Variants in RTP4 observed in about 807,000 individuals in gnomAD.
RTP4 encodes the protein receptor transporter protein 4.
In RTP4, 5 loss-of-function variants were observed where a neutral mutation model predicts 6.5. That is an observed-to-expected ratio of 0.77 (90% CI 0.40 to 1.62). RTP4 has a LOEUF of 1.62. Among genes scored for constraint, RTP4 ranks in the 40% most tolerant of loss-of-function variants. RTP4 has a pLI of 0.02. For synonymous variants in RTP4, 112 were observed against 114.8 expected, an observed-to-expected ratio of 0.98 and a Z score of 0.15; for missense variants, 266 against 288.7, an observed-to-expected ratio of 0.92 and a Z score of 0.57.
Position 187,371,091 on chromosome 3 carries a change from T to C in RTP4, c.459T>C (p.Asn153=), listed in dbSNP as rs374250213. ...VSLEGSHDTA[N]CEACTLGICG... ...TGGAAGGATCCCATGACACAGCCAA[T>C]TGTGAGGCATGCACTTTGGGCATCT... is the stretch of plus-strand genomic sequence containing the variant. Residue 153 remains asparagine (N), a synonymous_variant, in exon 2 of 2, where the codon AAT becomes AAC. Coordinates refer to ENST00000259030, the MANE Select transcript of RTP4 (RefSeq NM_022147.3). 5.6e-6 allele frequency: 9 copies of C among 1,614,026 alleles called. No individual in the cohort carries two copies. Among genetic ancestry groups the C allele is most frequent in the Non-Finnish European group, 6.8e-6 (8 of 1,180,034 alleles).
At position 187,371,370 on chromosome 3, in the gene RTP4, A is replaced by C; in HGVS notation, c.738A>C (p.Glu246Asp). 1 of 1,579,706 alleles carries C rather than the reference A, an allele frequency of 6.3e-7. No homozygotes were observed. Among genetic ancestry groups the C allele is most frequent in the East Asian group, 2.2e-5 (1 of 44,578 alleles). ...VFIVVKCFTS[E>D] Reference sequence around the variant, plus strand: ...TTGTAGTCAAATGCTTTACATCAGAATGATGAAAATAGGCTTGCCACTTTC... The same window carrying C: ...TTGTAGTCAAATGCTTTACATCAGACTGATGAAAATAGGCTTGCCACTTTC... Residue 246 changes from glutamate (E) to aspartate (D), a missense_variant, in exon 2 of 2, where the codon GAA becomes GAC. Transcript: ENST00000259030.
chr3:187,371,212 T>C lies in RTP4; in HGVS notation c.580T>C (p.Tyr194His). 6.2e-7 allele frequency: 1 copy of C among 1,614,036 alleles called. No individual in the cohort carries two copies. The highest frequency in any genetic ancestry group is 8.5e-7 in the Non-Finnish European group (1 of 1,180,030). Reference protein sequence around the residue: ...GNSSPGIGAVYLANQAKNQSA... With the variant: ...GNSSPGIGAVHLANQAKNQSA... ...TTCCTCACCTGGAATTGGTGCTGTG[T>C]ACCTCGCAAACCAAGCCAAGAACCA... Residue 194 changes from tyrosine (Y) to histidine (H), a missense_variant, in exon 2 of 2, where the codon TAC (tyrosine) becomes CAC (histidine). Coordinates refer to ENST00000259030, the MANE Select transcript of RTP4 (RefSeq NM_022147.3).
Position 187,368,435 on chromosome 3 carries a change from G to A in RTP4, c.-7G>A. On this transcript the variant is annotated 5_prime_UTR_variant, in exon 1 of 2. Coordinates refer to ENST00000259030, the MANE Select transcript of RTP4 (RefSeq NM_022147.3). ...GAAAGCTACTCTCTCAGCTTCAGAGGGAAAAAATGGTTGTAGATTTCTGGA... is the reference window on the plus strand; with the variant it reads ...GAAAGCTACTCTCTCAGCTTCAGAGAGAAAAAATGGTTGTAGATTTCTGGA... The A allele has an allele frequency of 1.2e-6, 2 of 1,607,038 alleles. No homozygotes were observed. Among genetic ancestry groups the A allele is most frequent in the South Asian group, 1.1e-5 (1 of 90,016 alleles).
Position 187,368,503 on chromosome 3 carries a change from C to T in RTP4, c.62C>T (p.Pro21Leu). The change falls in exon 1 of 2, where the codon CCC becomes CTC. Residue 21 changes from proline to leucine, a missense_variant. Physicochemically the swap from Pro to Leu is moderately conservative, Grantham distance 98. Coordinates refer to ENST00000259030, the MANE Select transcript of RTP4 (RefSeq NM_022147.3). ...TFQELIQEAK[P>L]RATWTLKLDG... is the part of the protein sequence containing the mutation. ...CAAGAACTAATCCAAGAGGCAAAAC[C>T]CCGGGCCACATGGACGCTGAAGTTG... The T allele has an allele frequency of 6.2e-7, 1 of 1,614,054 alleles. No homozygotes were observed. The highest frequency in any genetic ancestry group is 8.5e-7 in the Non-Finnish European group (1 of 1,179,982).
rs750655321 is a variant in RTP4 at position 187,370,949 on chromosome 3, TCTC to T, written c.321_323del (p.Ser108del). On this transcript the variant is annotated inframe_deletion, in exon 2 of 2. Transcript: ENST00000259030. Reference sequence around the variant, plus strand: ...TGGTCCCAATATGAGATGCCTGAGTTCTCCTCGGATAGCACCATGAGGATTCTG... The same window carrying T: ...TGGTCCCAATATGAGATGCCTGAGTTCTCGGATAGCACCATGAGGATTCTG... 1.2e-6 allele frequency: 2 copies of T among 1,614,010 alleles called. No homozygotes were observed. Among genetic ancestry groups the T allele is most frequent in the African/African-American group, 2.7e-5 (2 of 74,902 alleles).
At chr3:187,368,649 CAGCTT>C in intron 1 of RTP4, 53 bp downstream of exon 1, 1 of 1,514,300 alleles carries the variant, frequency 6.6e-7, no homozygotes, top group South Asian at 1.3e-5. Context: ...GGCTCAGGCT[CAGCTT>C]AGCATGATTT....
Position 187,370,876 on chromosome 3 carries a change from G to A in RTP4, c.244G>A (p.Gly82Ser), listed in dbSNP as rs753621514. Residue 82 changes from glycine (G) to serine (S), a missense_variant, in exon 2 of 2, where the codon GGT becomes AGT. By Grantham distance (56) the Gly-to-Ser change is moderately conservative. Coordinates refer to ENST00000259030, the MANE Select transcript of RTP4 (RefSeq NM_022147.3). ...HTYWEHWTSQ[G>S]QVRMRLFGQR... is the part of the protein sequence containing the mutation. Reference sequence around the variant, plus strand: ...GTACTGGGAGCACTGGACATCCCAGGGTCAGGTGCGTATGAGGCTCTTTGG... The same window carrying A: ...GTACTGGGAGCACTGGACATCCCAGAGTCAGGTGCGTATGAGGCTCTTTGG... 1.9e-6 allele frequency: 3 copies of A among 1,614,082 alleles called. No individual in the cohort carries two copies. The highest frequency in any genetic ancestry group is 2.5e-6 in the Non-Finnish European group (3 of 1,180,016).
rs372326120 is a variant in RTP4, at chr3:187,371,271, G to A, written c.639G>A (p.Gly213=). ...SAEAKEAKGS[G]YEKLGPSRDP... ...AGGCAAAAGAGGCTAAGGGGAGTGGGTATGAGAAATTAGGGCCCAGTCGAG... is the reference window on the plus strand; with the variant it reads ...AGGCAAAAGAGGCTAAGGGGAGTGGATATGAGAAATTAGGGCCCAGTCGAG... Residue 213 remains glycine (G), a synonymous_variant, in exon 2 of 2, where the codon GGG becomes GGA. Coordinates refer to ENST00000259030, the MANE Select transcript of RTP4 (RefSeq NM_022147.3). 1.9e-6 allele frequency: 3 copies of A among 1,610,670 alleles called. No homozygotes were observed. Among genetic ancestry groups the A allele is most frequent in the Non-Finnish European group, 2.5e-6 (3 of 1,179,996 alleles).
Position 187,368,554 on chromosome 3 carries a change from T to C in RTP4, c.113T>C (p.Leu38Pro). The C allele has an allele frequency of 6.2e-7, 1 of 1,614,140 alleles. No homozygotes were observed. The highest frequency in any genetic ancestry group is 8.5e-7 in the Non-Finnish European group (1 of 1,180,008). Residue 38 changes from leucine to proline, a missense_variant, in exon 1 of 2, where the codon CTG becomes CCG. By Grantham distance (98) the Leu-to-Pro change is moderately conservative. Coordinates refer to ENST00000259030, the MANE Select transcript of RTP4 (RefSeq NM_022147.3). Reference protein sequence around the residue: ...KLDGNLQLDCLAQGWKQYQQR... With the variant: ...KLDGNLQLDCPAQGWKQYQQR... ...GATGGCAACCTTCAGCTAGACTGCC[T>C]GGCTCAAGGGTGGAAGCAATACCAA...
Position 187,370,792 on chromosome 3 carries a change from C to G in RTP4, c.160C>G (p.Arg54Gly), listed in dbSNP as rs756068946. The change falls in exon 2 of 2, where the codon CGG (arginine) becomes GGG (glycine). Residue 54 changes from arginine (R) to glycine (G), a missense_variant. Coordinates refer to ENST00000259030, the MANE Select transcript of RTP4 (RefSeq NM_022147.3). The part of the protein sequence containing the change: ...QYQQRAFGWF[R>G]CSSCQRSWAS... ...GTGTCTTCCTTCTGACTGCAGGTTC[C>G]GGTGTTCCTCCTGCCAGCGAAGTTG... 1 of 1,611,312 alleles carries G rather than the reference C, an allele frequency of 6.2e-7. No homozygotes were observed. The highest frequency in any genetic ancestry group is 8.5e-7 in the Non-Finnish European group (1 of 1,177,850).
In RTP4 at chr3:187,368,529, G is replaced by T; in HGVS notation, c.88G>T (p.Asp30Tyr). The T allele has an allele frequency of 6.2e-7, 1 of 1,614,196 alleles. No individual in the cohort carries two copies. Among genetic ancestry groups the T allele is most frequent in the East Asian group, 2.2e-5 (1 of 44,874 alleles). The part of the protein sequence containing the change: ...KPRATWTLKL[D>Y]GNLQLDCLAQ... ...CCGGGCCACATGGACGCTGAAGTTG[G>T]ATGGCAACCTTCAGCTAGACTGCCT... Residue 30 changes from aspartate (D) to tyrosine (Y), a missense_variant, in exon 1 of 2, where the codon GAT becomes TAT. By Grantham distance (160) the Asp-to-Tyr change is radical (BLOSUM62 -3). Coordinates refer to ENST00000259030, the MANE Select transcript of RTP4 (RefSeq NM_022147.3).
rs1711613537 is a variant in RTP4, at chr3:187,371,397, C to CT, written c.*26dup. On this transcript the variant is annotated 3_prime_UTR_variant, in exon 2 of 2. Coordinates refer to ENST00000259030, the MANE Select transcript of RTP4 (RefSeq NM_022147.3). ...GATGAAAATAGGCTTGCCACTTTCT[C>CT]TTATTTTAATTCCATGGTAGTCAAT... 1.3e-6 allele frequency: 2 copies of CT among 1,528,274 alleles called. No homozygotes were observed. The highest frequency in any genetic ancestry group is 2.3e-5 in the South Asian group (2 of 85,672). The allele number at this position is 1,528,274 out of a possible 1,614,324, so 94.7% of individuals were successfully genotyped here. A position where few individuals can be genotyped will look rare whatever the true frequency, so the allele number is the denominator to read the frequency against.
chr3:187,371,200 A>G lies in RTP4; in HGVS notation c.568A>G (p.Ile190Val). The G allele has an allele frequency of 6.2e-7, 1 of 1,614,120 alleles. No individual in the cohort carries two copies. The highest frequency in any genetic ancestry group is 8.5e-7 in the Non-Finnish European group (1 of 1,180,014). The stretch of plus-strand genomic sequence containing the variant: ...AAAGACTGGGAATTCCTCACCTGGA[A>G]TTGGTGCTGTGTACCTCGCAAACCA... ...HLKTGNSSPG[I>V]GAVYLANQAK... The change falls in exon 2 of 2, where the codon ATT (isoleucine) becomes GTT (valine). Residue 190 changes from isoleucine to valine, a missense_variant. Transcript: ENST00000259030.
rs554658842 is a variant in RTP4 at position 187,371,111 on chromosome 3, G to T, written c.479G>T (p.Gly160Val). The T allele has an allele frequency of 2.2e-5, 35 of 1,613,992 alleles. No individual in the cohort carries two copies. Among genetic ancestry groups the T allele is most frequent in the Admixed American group, 5.0e-5 (3 of 60,006 alleles). ...DTANCEACTL[G>V]ICGQGLKSCM... The stretch of plus-strand genomic sequence containing the variant: ...GCCAATTGTGAGGCATGCACTTTGG[G>T]CATCTGTGGACAGGGCTTAAAAAGC... Residue 160 changes from glycine to valine, a missense_variant, in exon 2 of 2, where the codon GGC (glycine) becomes GTC (valine). Transcript: ENST00000259030.
In RTP4 at chr3:187,368,437, A is replaced by T. The variant is rs1251233407; in HGVS notation, c.-5A>T. ...AAGCTACTCTCTCAGCTTCAGAGGG[A>T]AAAAATGGTTGTAGATTTCTGGACT... On this transcript the variant is annotated 5_prime_UTR_variant, in exon 1 of 2. Transcript: ENST00000259030. 1 of 1,606,990 alleles carries T rather than the reference A, an allele frequency of 6.2e-7. No individual in the cohort carries two copies. The highest frequency in any genetic ancestry group is 2.2e-5 in the East Asian group (1 of 44,734).
In RTP4 at chr3:187,368,544, C is replaced by T. The variant is rs1417832655; in HGVS notation, c.103C>T (p.Leu35=). The change falls in exon 1 of 2, where the codon CTA becomes TTA. Residue 35 remains leucine, a synonymous_variant. Transcript: ENST00000259030. ...WTLKLDGNLQ[L]DCLAQGWKQY... is the part of the protein sequence containing the mutation. ...GCTGAAGTTGGATGGCAACCTTCAG[C>T]TAGACTGCCTGGCTCAAGGGTGGAA... is the stretch of plus-strand genomic sequence containing the variant. The T allele has an allele frequency of 1.2e-6, 2 of 1,614,030 alleles. No homozygotes were observed. The highest frequency in any genetic ancestry group is 2.7e-5 in the African/African-American group (2 of 74,918).
intron 1 of RTP4, among the ~76,000 whole-genome samples, chr3:187,369,650 C>T (rs1711569302): frequency 6.7e-6 from 1 of 150,362 alleles, no homozygotes; most frequent in South Asian, 2.1e-4. Flanking sequence ...CTATGTATTT[C>T]AGAATAATAA....
chr3:187,370,528 C>G (rs1377957913), intron 1 of RTP4, among the ~76,000 whole-genome samples: 2 of 152,142 alleles, frequency 1.3e-5, no homozygotes, highest in Non-Finnish European at 2.9e-5. Flanking sequence ...ACATGATTTT[C>G]CCTCAGAGGC....
intron 1 of RTP4, among the ~76,000 whole-genome samples, chr3:187,369,354 C>T (rs1396975089): frequency 6.6e-6 from 1 of 152,118 alleles, no homozygotes; most frequent in Non-Finnish European, 1.5e-5. Flanking sequence ...CATCCTGCCT[C>T]AGGTATGGCC....
Sources: gnomAD v4.1 joint callset for allele counts (sites outside exome capture counted in the v4.1 genomes callset) on GRCh38, gnomAD v4.1.1 for gene constraint, MANE v1.5 for transcripts, NCBI Gene and HGNC (gene_info 2026-07-23, HGNC 2026-07-21) for gene names.